KCNIP4: variants seen among roughly 807,000 people sequenced by gnomAD.
The protein encoded by KCNIP4 is potassium voltage-gated channel interacting protein 4.
Under a neutral mutation model 34.0 loss-of-function variants are expected in KCNIP4, and 12 were observed. The ratio of observed to expected loss-of-function variants is 0.35; its 90% CI spans 0.23 to 0.57. The LOEUF (loss-of-function observed/expected upper bound fraction) is 0.57. Ranked by LOEUF, KCNIP4 falls within the 20% of genes least tolerant of loss-of-function variation. The pLI, the probability that KCNIP4 is intolerant of heterozygous loss-of-function variation, is 0.83. For missense variants in KCNIP4, 238 were observed against 311.7 expected (o/e 0.76, Z 1.78); for synonymous variants, 124 against 102.2 (o/e 1.21, Z -1.29).
rs536464044 is a variant in KCNIP4, at chr4:21,226,436, T to C, written c.62-343727A>G. ...GAGCTTTTGGTTGCCACATAGGATT[T>C]TGATGATACAATTATGAACGTGAAA... is the stretch of plus-strand genomic sequence containing the variant. On this transcript the variant is annotated intron_variant, in intron 1 of 8. Coordinates refer to ENST00000382152, the MANE Select transcript of KCNIP4 (RefSeq NM_025221.6). Among the ~76,000 whole-genome samples, 10 of 151,568 alleles carry C rather than the reference T, an allele frequency of 6.6e-5. No individual in the cohort carries two copies. The South Asian group carries it at 2.1e-3, about 32-fold the overall frequency.
chr4:21,260,264 G>A (rs932178676), intron 1 of KCNIP4, among the ~76,000 whole-genome samples: 4 of 152,030 alleles, frequency 2.6e-5, no homozygotes, highest in Non-Finnish European at 5.9e-5. Flanking sequence ...AATGAATTAC[G>A]GGCAAAAGCC....
At chr4:21,209,476 C>T (rs1013581091) in intron 1 of KCNIP4, among the ~76,000 whole-genome samples, 5 of 152,080 alleles carry the variant, frequency 3.3e-5, no homozygotes, top group South Asian at 2.1e-4. Flanking sequence ...CTTATTTTAG[C>T]TTCCATATAT....
rs570400347 is a variant in KCNIP4, at chr4:21,521,576, A to T, written c.61+426995T>A. 7.9e-4 allele frequency among the ~76,000 whole-genome samples: 121 copies of T among 152,224 alleles called. 3 individuals carry two copies. The South Asian group carries it at 0.024, about 31-fold the overall frequency. On this transcript the variant is annotated intron_variant, in intron 1 of 8. Transcript: ENST00000382152. Reference sequence around the variant, plus strand: ...TCTCTAACTCAGGAATAACATCATCATATCAAAAATCTGGTTGTAGGGTTG... The same window carrying T: ...TCTCTAACTCAGGAATAACATCATCTTATCAAAAATCTGGTTGTAGGGTTG...
chr4:21,759,566 T>G (rs1473970904), intron 1 of KCNIP4, among the ~76,000 whole-genome samples: 1 of 152,162 alleles, frequency 6.6e-6, no homozygotes, highest in Non-Finnish European at 1.5e-5. Context: ...AGGACATTTT[T>G]TATTCTTTAA....
At chr4:21,925,484 T>C (rs1020849235) in intron 1 of KCNIP4, among the ~76,000 whole-genome samples, 1 of 152,186 alleles carries the variant, frequency 6.6e-6, no homozygotes, top group Admixed American at 6.5e-5. Flanking sequence ...AGTCTATCGT[T>C]GTTGGACATT....
chr4:21,232,404 G>T (rs1394081135), intron 1 of KCNIP4, among the ~76,000 whole-genome samples: 1 of 152,086 alleles, frequency 6.6e-6, no homozygotes, highest in African/African-American at 2.4e-5. Flanking sequence ...CAGATAAAAA[G>T]AAGGAATTCA....
At chr4:21,175,419 A>G (rs988303001) in intron 1 of KCNIP4, among the ~76,000 whole-genome samples, 3 of 152,154 alleles carry the variant, frequency 2.0e-5, no homozygotes, top group Non-Finnish European at 4.4e-5. Context: ...CCCTATGTCT[A>G]TTACACACAA....
chr4:21,783,594 T>C (rs1356448626), intron 1 of KCNIP4, among the ~76,000 whole-genome samples: 3 of 152,128 alleles, frequency 2.0e-5, no homozygotes, highest in African/African-American at 4.8e-5. Context: ...AAAGCAGATG[T>C]CATTTCCAGA....
intron 1 of KCNIP4, among the ~76,000 whole-genome samples, chr4:21,330,043 A>G (rs1266658157): frequency 6.6e-6 from 1 of 152,198 alleles, no homozygotes; most frequent in Admixed American, 6.5e-5. Flanking sequence ...CAGACTTCAT[A>G]AGCAAAAGCA....
chr4:21,127,894 G>T (rs1376097645), intron 1 of KCNIP4, among the ~76,000 whole-genome samples: 2 of 152,174 alleles, frequency 1.3e-5, no homozygotes, highest in Non-Finnish European at 2.9e-5. Flanking sequence ...ATAAAAATCA[G>T]TCCAGGCTTT....
At chr4:21,420,365 T>C (rs186035008) in intron 1 of KCNIP4, among the ~76,000 whole-genome samples, 29 of 152,334 alleles carry the variant, frequency 1.9e-4, no homozygotes, top group Middle Eastern at 6.8e-3. Flanking sequence ...ACTGCTGTAA[T>C]AGCTGCCTAC....
intron 1 of KCNIP4, among the ~76,000 whole-genome samples, chr4:21,823,645 T>C (rs1225703443): frequency 6.6e-6 from 1 of 152,078 alleles, no homozygotes; most frequent in Non-Finnish European, 1.5e-5. Flanking sequence ...GATGCTGAAA[T>C]TTACACAACA....
chr4:20,778,835 T>C (rs961212591), intron 3 of KCNIP4, among the ~76,000 whole-genome samples: 2 of 152,186 alleles, frequency 1.3e-5, no homozygotes, highest in Non-Finnish European at 2.9e-5. Flanking sequence ...AGTATAAGAA[T>C]GAGACTTGCC....
chr4:21,943,953 T>C (rs1730349086), intron 1 of KCNIP4, among the ~76,000 whole-genome samples: 1 of 117,744 alleles, frequency 8.5e-6, no homozygotes, highest in African/African-American at 4.1e-5. Context: ...AAGGAGACTC[T>C]TGCTTTTTTT....
chr4:21,844,052 A>G (rs923588685), intron 1 of KCNIP4: 3 of 152,020 alleles, frequency 2.0e-5, no homozygotes, highest in African/African-American at 7.2e-5. Context: ...CTTGCAATGC[A>G]TTCACTCACT....
intron 1 of KCNIP4, among the ~76,000 whole-genome samples, chr4:21,359,387 T>C (rs1718987865): frequency 6.6e-6 from 1 of 152,106 alleles, no homozygotes; most frequent in South Asian, 2.1e-4. Flanking sequence ...TGTGAGCCAG[T>C]TTCTCATTTT....
At chr4:21,830,718 T>C (rs998179973) in intron 1 of KCNIP4, among the ~76,000 whole-genome samples, 1 of 151,918 alleles carries the variant, frequency 6.6e-6, no homozygotes, top group Non-Finnish European at 1.5e-5. Context: ...GAAACTTCAA[T>C]ACACATTTTC....
intron 1 of KCNIP4, among the ~76,000 whole-genome samples, chr4:20,974,724 T>C (rs1735313889): frequency 6.6e-6 from 1 of 152,192 alleles, no homozygotes; most frequent in African/African-American, 2.4e-5. Context: ...GCCCAGGCAA[T>C]TTACTAAACT....
chr4:21,043,141 G>T (rs542928663), intron 1 of KCNIP4, among the ~76,000 whole-genome samples: 1 of 152,092 alleles, frequency 6.6e-6, no homozygotes, highest in Non-Finnish European at 1.5e-5. Flanking sequence ...AGCATCAGGA[G>T]GAAACCAGGT....
Sources: allele counts gnomAD v4.1 joint callset (sites outside exome capture counted in the v4.1 genomes callset), GRCh38; gene constraint gnomAD v4.1.1; transcripts MANE v1.5; gene names NCBI Gene and HGNC (gene_info 2026-07-23, HGNC 2026-07-21).